The following ADAMTS2 variants were observed in gnomAD, a reference collection of about 807,000 sequenced individuals.
ADAMTS2 encodes ADAM metallopeptidase with thrombospondin type 1 motif 2.
Under a neutral mutation model 123.0 loss-of-function variants are expected in ADAMTS2, and 50 were observed. The ratio of observed to expected loss-of-function variants is 0.41; its 90% confidence interval spans 0.32 to 0.51. ADAMTS2 has a LOEUF of 0.51. Ranked by LOEUF, ADAMTS2 falls within the 20% of genes least tolerant of loss-of-function variation. The pLI, the probability that ADAMTS2 is intolerant of heterozygous loss-of-function variation, is 0.35. For missense variants in ADAMTS2, 1,494 were observed against 1,705.2 expected (o/e 0.88, Z 2.18); for synonymous variants, 678 against 695.4 (o/e 0.98, Z 0.39).
At chr5:179,221,203 T>C (rs1375205639) in intron 3 of ADAMTS2, among the ~76,000 whole-genome samples, 2 of 152,238 alleles carry the variant, frequency 1.3e-5, no homozygotes, top group African/African-American at 2.4e-5. Context: ...TTCTTCTTCA[T>C]GGTAGCCGGT....
chr5:179,125,269 G>A lies in ADAMTS2; in HGVS notation c.2751-89C>T, dbSNP rs542874232. 4.0e-4 allele frequency: 491 copies of A among 1,237,756 alleles called. 1 individual carries two copies. The highest frequency in any genetic ancestry group is 4.7e-4 in the Non-Finnish European group (399 of 853,706). 76.7% of individuals were successfully genotyped at this position (1,237,756 alleles called of 1,614,324 possible). On this transcript the variant is annotated intron_variant, in intron 18 of 21. Transcript: ENST00000251582. The stretch of plus-strand genomic sequence containing the variant: ...CTCCAGCGCCGCTCCCTGCAGCCCA[G>A]GTAGACAGCGAGCACAGAGGGCAGC...
intron 13 of ADAMTS2, among the ~76,000 whole-genome samples, chr5:179,134,502 C>T (rs1249868518): frequency 6.6e-6 from 1 of 152,220 alleles, no homozygotes; most frequent in African/African-American, 2.4e-5. Context: ...GTCCCCCTTC[C>T]ACTGCCCTGC....
intron 3 of ADAMTS2, among the ~76,000 whole-genome samples, chr5:179,211,363 C>T (rs1037926795): frequency 7.3e-6 from 1 of 137,210 alleles, no homozygotes; most frequent in African/African-American, 2.7e-5. Context: ...AGGCACTGGG[C>T]CCCCTGGGGG....
rs941506831 is a variant in ADAMTS2 at position 179,156,399 on chromosome 5, G to A, written c.1133-1480C>T. Among the ~76,000 whole-genome samples the A allele has an allele frequency of 1.3e-4, 18 of 140,898 alleles. 1 individual carries two copies. The highest frequency in any genetic ancestry group is 3.0e-4 in the Admixed American group (4 of 13,392). The allele number at this position is 140,898 out of a possible 152,430, so 92.4% of individuals were successfully genotyped here. On this transcript the variant is annotated intron_variant, in intron 6 of 21. Transcript: ENST00000251582. The stretch of plus-strand genomic sequence containing the variant: ...TTTTGAGATGGAGTCTCACTCTGCC[G>A]TCCAGGCTGGAGTGCAGTGGTGTGA...
At chr5:179,121,818 G>T in intron 20 of ADAMTS2, 68 bp from the exon 21 acceptor site, 1 of 1,120,562 alleles carries the variant, frequency 8.9e-7, no homozygotes, top group Non-Finnish European at 1.3e-6. Flanking sequence ...AGGCAGAGAG[G>T]CTCCGGGTCT....
rs560089469 is a variant in ADAMTS2 at position 179,243,614 on chromosome 5, A to G, written c.688+29297T>C. 1.0e-3 allele frequency among the ~76,000 whole-genome samples: 157 copies of G among 152,352 alleles called. 1 individual carries two copies. The highest frequency in any genetic ancestry group is 3.7e-3 in the African/African-American group (154 of 41,572). ...GTATGCAGAGCTGCCACATGACCCA[A>G]AATGTCCAGTTTCACACAACAGAAA... On this transcript the variant is annotated intron_variant, in intron 3 of 21. Transcript: ENST00000251582.
At chr5:179,205,820 A>G (rs990584026) in intron 4 of ADAMTS2, among the ~76,000 whole-genome samples, 25 of 151,440 alleles carry the variant, frequency 1.7e-4, no homozygotes, top group Middle Eastern at 3.4e-3. Flanking sequence ...CACTGAGGCT[A>G]GAGTGCAGTG....
At chr5:179,291,728 C>T (rs1054129791) in intron 2 of ADAMTS2, among the ~76,000 whole-genome samples, 17 of 150,348 alleles carry the variant, frequency 1.1e-4, no homozygotes, top group African/African-American at 3.3e-4. Flanking sequence ...AAGGTCCAAA[C>T]GATATTTATT....
At chr5:179,295,872 G>A (rs1004633390) in intron 2 of ADAMTS2, among the ~76,000 whole-genome samples, 8 of 152,226 alleles carry the variant, frequency 5.3e-5, no homozygotes, top group African/African-American at 1.9e-4. Flanking sequence ...CCACTAGTGG[G>A]GCCTGTGCTG....
In ADAMTS2 at chr5:179,344,128, A is replaced by G. The variant is rs1757866419; in HGVS notation, c.173T>C (p.Leu58Pro). The change falls in exon 2 of 22, where the codon CTG becomes CCG. Residue 58 changes from leucine (L) to proline (P), a missense_variant. By Grantham distance (98) the Leu-to-Pro change is moderately conservative (BLOSUM62 -3). Around this residue, in one of 6 missense-constraint regions of ADAMTS2, gnomAD observed 237 missense variants for 233.7 expected, o/e 1.01. Transcript: ENST00000251582. Reference protein sequence around the residue: ...GPLGHGAERILAVPVRTDAQG... With the variant: ...GPLGHGAERIPAVPVRTDAQG... Reference sequence around the variant, plus strand: ...GGCGTCAGTGCGCACGGGCACCGCCAGGATGCGCTCCGCTCCGTGCCCCAG... The same window carrying G: ...GGCGTCAGTGCGCACGGGCACCGCCGGGATGCGCTCCGCTCCGTGCCCCAG... 1.2e-6 allele frequency: 2 copies of G among 1,606,410 alleles called. No homozygotes were observed. Among genetic ancestry groups the G allele is most frequent in the East Asian group, 2.2e-5 (1 of 44,658 alleles).
chr5:179,154,666 T>C, intron 7 of ADAMTS2, 148 bp downstream of exon 7: 1 of 683,690 alleles, frequency 1.5e-6, no homozygotes, highest in African/African-American at 1.8e-5. Flanking sequence ...GGGCCAGCAC[T>C]GCCCAGCGCT....
Position 179,129,445 on chromosome 5 carries a change from T to A in ADAMTS2, c.2457+487A>T, listed in dbSNP as rs541266112. ...TTACATTTTAAAAAGTGATCTGACCTCCTCAAAACCAGGTAAAAAGAAAGT... is the reference window on the plus strand; with the variant it reads ...TTACATTTTAAAAAGTGATCTGACCACCTCAAAACCAGGTAAAAAGAAAGT... On this transcript the variant is annotated intron_variant, in intron 16 of 21. Coordinates refer to ENST00000251582, the MANE Select transcript of ADAMTS2 (RefSeq NM_014244.5). This position sits in a 1 kb window ranked among gnomAD's most constrained non-coding sequence, Gnocchi z 4.1. 6.6e-6 allele frequency among the ~76,000 whole-genome samples: 1 copy of A among 152,274 alleles called. No individual in the cohort carries two copies. The highest frequency in any genetic ancestry group is 6.5e-5 in the Admixed American group (1 of 15,298).
rs1561762944 is a variant in ADAMTS2, at chr5:179,115,681, A to AAAGGGAGGAGGAAAGGGAGGAG, written c.3179-1358_3179-1357insCTCCTCCCTTTCCTCCTCCCTT. 6.6e-6 allele frequency among the ~76,000 whole-genome samples: 1 copy of AAAGGGAGGAGGAAAGGGAGGAG among 151,282 alleles called. No homozygotes were observed. The highest frequency in any genetic ancestry group is 2.0e-4 in the East Asian group (1 of 5,112). On this transcript the variant is annotated intron_variant, in intron 21 of 21. Coordinates refer to ENST00000251582, the MANE Select transcript of ADAMTS2 (RefSeq NM_014244.5). This position sits in a 1 kb window ranked among gnomAD's most constrained non-coding sequence, Gnocchi z 4.4. ...GGAAAGGGAGGGAGGGACAAAAGGA[A>AAAGGGAGGAGGAAAGGGAGGAG]GAAAGGGAGGAGGAAAGGGAGGGAG...
intron 5 of ADAMTS2, among the ~76,000 whole-genome samples, chr5:179,168,418 G>A (rs1763750778): frequency 6.6e-6 from 1 of 152,184 alleles, no homozygotes; most frequent in Admixed American, 6.5e-5. Context: ...CCAGCGTGTG[G>A]CCCCGGGCAG....
intron 4 of ADAMTS2, among the ~76,000 whole-genome samples, chr5:179,196,966 A>T (rs1211478655): frequency 6.6e-6 from 1 of 152,272 alleles, no homozygotes; most frequent in Non-Finnish European, 1.5e-5. Context: ...ACAGCTTTAG[A>T]ATCTCCAGTT....
chr5:179,182,413 C>T (rs978293660), intron 4 of ADAMTS2, among the ~76,000 whole-genome samples: 1 of 152,184 alleles, frequency 6.6e-6, no homozygotes, highest in African/African-American at 2.4e-5. Context: ...ACACTCCCTG[C>T]ACTCCAATCT....
chr5:179,257,109 AT>A (rs1766077013), intron 3 of ADAMTS2, among the ~76,000 whole-genome samples: 1 of 152,098 alleles, frequency 6.6e-6, no homozygotes, highest in African/African-American at 2.4e-5. Context: ...AAGGGCCCAC[AT>A]TGTGAGTTTC....
intron 3 of ADAMTS2, among the ~76,000 whole-genome samples, chr5:179,209,538 G>GTACACACACGCA (rs1764800285): frequency 7.5e-6 from 1 of 133,348 alleles, no homozygotes; most frequent in African/African-American, 2.8e-5. Context: ...ACACACACAT[G>GTACACACACGCA]CACACACATG....
intron 2 of ADAMTS2, among the ~76,000 whole-genome samples, chr5:179,338,272 C>G (rs955874610): frequency 2.0e-5 from 3 of 152,168 alleles, no homozygotes; most frequent in African/African-American, 7.2e-5. Flanking sequence ...ACACAGAGAA[C>G]CTGCATATGT....
Sources: allele counts gnomAD v4.1 joint callset (sites outside exome capture counted in the v4.1 genomes callset), GRCh38; gene constraint gnomAD v4.1.1; regional missense constraint gnomAD v4.1.1; non-coding constraint Gnocchi (gnomAD v3.1); transcripts MANE v1.5; gene names NCBI Gene and HGNC (gene_info 2026-07-23, HGNC 2026-07-21).